The following SNX29 variants were observed in gnomAD, a reference collection of about 807,000 sequenced individuals.
SNX29 encodes the protein sorting nexin-29.
In SNX29, 78 loss-of-function variants were observed where a neutral mutation model predicts 102.1. That is an observed-to-expected ratio of 0.76 (90% confidence interval 0.64 to 0.92). The LOEUF (loss-of-function observed/expected upper bound fraction) is 0.92. Among genes scored for constraint, SNX29 ranks in the 40% least tolerant of loss-of-function variants. The probability of loss-of-function intolerance (pLI) is 0.00; values close to 1 mark genes in which losing one functional copy is unlikely to be tolerated. For synonymous variants in SNX29, 580 were observed against 414.5 expected, an observed-to-expected ratio of 1.40 and a Z score of -4.85; for missense variants, 1,280 against 1,061.7, an observed-to-expected ratio of 1.21 and a Z score of -2.86.
At chr16:12,380,761 C>T (rs1209677006) in intron 16 of SNX29, among the ~76,000 whole-genome samples, 115 of 72,322 alleles carry the variant, frequency 1.6e-3, no homozygotes, top group Middle Eastern at 0.011. Flanking sequence ...CATCCATCCA[C>T]CCACCCACCA....
At chr16:12,359,027 G>C (rs1341583793) in intron 16 of SNX29, among the ~76,000 whole-genome samples, 1 of 152,356 alleles carries the variant, frequency 6.6e-6, no homozygotes, top group African/African-American at 2.4e-5. Context: ...AACCCAAGAA[G>C]GGGGTTGTGA....
chr16:12,108,297 C>T (rs1422630580), intron 11 of SNX29, among the ~76,000 whole-genome samples: 1 of 152,168 alleles, frequency 6.6e-6, no homozygotes, highest in Non-Finnish European at 1.5e-5. Context: ...AGGCTGGGAC[C>T]CCAGGCCTGA....
intron 15 of SNX29, among the ~76,000 whole-genome samples, chr16:12,287,578 A>C (rs2079640176): frequency 6.6e-6 from 1 of 152,224 alleles, no homozygotes; most frequent in African/African-American, 2.4e-5. Context: ...GTAGTTAGGA[A>C]TATATTGGTA....
intron 15 of SNX29, among the ~76,000 whole-genome samples, chr16:12,279,598 C>A (rs2079367392): frequency 6.6e-6 from 1 of 152,170 alleles, no homozygotes; most frequent in South Asian, 2.1e-4. Context: ...TGAGTCTGTG[C>A]CCGGAAGTCC....
intron 20 of SNX29, among the ~76,000 whole-genome samples, chr16:12,562,110 C>A (rs1370801307): frequency 2.0e-5 from 3 of 152,020 alleles, no homozygotes; most frequent in Admixed American, 1.3e-4. Flanking sequence ...TAAGGCCGTT[C>A]ACTCTCCTGT....
At chr16:12,426,599 T>A (rs1009392091) in intron 18 of SNX29, among the ~76,000 whole-genome samples, 2 of 152,250 alleles carry the variant, frequency 1.3e-5, no homozygotes, top group Non-Finnish European at 2.9e-5. Context: ...AATGGTGATG[T>A]AGATCTAATT....
rs541551549 is a variant in SNX29 at position 12,153,467 on chromosome 16, AAAAAAC to A, written c.1595+23715_1595+23720del. On this transcript the variant is annotated intron_variant, in intron 13 of 20. Transcript: ENST00000566228. ...TCCCTCTGAATCTTTGTCTCAAAAA[AAAAAAC>A]AAAAAACAAAAAACAAAAAACCAAA... 1.1e-3 allele frequency among the ~76,000 whole-genome samples: 166 copies of A among 148,662 alleles called. 3 individuals are homozygous for A. The South Asian group carries it at 0.034, about 30-fold the overall frequency.
At chr16:12,383,695 C>T (rs983128771) in intron 16 of SNX29, among the ~76,000 whole-genome samples, 5 of 149,200 alleles carry the variant, frequency 3.4e-5, no homozygotes, top group Admixed American at 2.0e-4. Context: ...CTCAGCCTCT[C>T]AAAGTGCTAG....
rs567723009 is a variant in SNX29 at position 12,345,482 on chromosome 16, C to G, written c.1783-10681C>G. ...CTCTATCTAGCCGTGCTCCACTCAC[C>G]GAACTCAGATATCATGGGTCTGTGG... On this transcript the variant is annotated intron_variant, in intron 15 of 20. Transcript: ENST00000566228. 2.6e-5 allele frequency among the ~76,000 whole-genome samples: 4 copies of G among 152,328 alleles called. No homozygotes were observed. In the South Asian group the frequency reaches 6.2e-4, roughly 24 times the overall value.
chr16:12,218,762 G>T (rs988556308), intron 14 of SNX29, among the ~76,000 whole-genome samples: 3 of 151,964 alleles, frequency 2.0e-5, no homozygotes, highest in African/African-American at 7.2e-5. Context: ...TTGTTTCCAG[G>T]TTTTTATTTA....
chr16:12,474,040 C>T (rs556307627), intron 18 of SNX29, among the ~76,000 whole-genome samples: 6 of 152,160 alleles, frequency 3.9e-5, no homozygotes, highest in South Asian at 2.1e-4. Flanking sequence ...GCTTGAGATC[C>T]GAGAACCTTC....
intron 18 of SNX29, among the ~76,000 whole-genome samples, chr16:12,457,857 T>G (rs1301641412): frequency 6.6e-6 from 1 of 152,256 alleles, no homozygotes; most frequent in Non-Finnish European, 1.5e-5. Flanking sequence ...GTTTGTGGTC[T>G]GCATACGGGT....
At chr16:12,208,173 A>G (rs1405574495) in intron 14 of SNX29, among the ~76,000 whole-genome samples, 5 of 152,134 alleles carry the variant, frequency 3.3e-5, no homozygotes, top group Non-Finnish European at 7.4e-5. Context: ...CTCACATTCC[A>G]TGGGTGAGGG....
chr16:12,121,256 A>C (rs910320731), intron 11 of SNX29, among the ~76,000 whole-genome samples: 3 of 152,188 alleles, frequency 2.0e-5, no homozygotes, highest in African/African-American at 7.2e-5. Flanking sequence ...TATGAAGAGC[A>C]ATGGGAATCA....
chr16:12,195,305 G>T (rs1172709798), intron 13 of SNX29, among the ~76,000 whole-genome samples: 1 of 152,166 alleles, frequency 6.6e-6, no homozygotes, highest in African/African-American at 2.4e-5. Context: ...CAATTAATTT[G>T]CAGCCAGCTT....
chr16:12,010,239 G>C (rs1405761627), intron 3 of SNX29, among the ~76,000 whole-genome samples: 1 of 152,164 alleles, frequency 6.6e-6, no homozygotes, highest in Non-Finnish European at 1.5e-5. Context: ...TTGACACTTG[G>C]TAGACATTTA....
At chr16:12,265,268 G>C (rs187858357) in intron 14 of SNX29, among the ~76,000 whole-genome samples, 8 of 152,172 alleles carry the variant, frequency 5.3e-5, no homozygotes, top group Non-Finnish European at 8.8e-5. Context: ...CTTTTCACTT[G>C]GGGGGGAGAA....
rs146826316 is a variant in SNX29, at chr16:12,141,569, G to A, written c.1595+11811G>A. 2.3e-3 allele frequency among the ~76,000 whole-genome samples: 354 copies of A among 152,346 alleles called. 1 individual carries two copies. The highest frequency in any genetic ancestry group is 7.7e-3 in the African/African-American group (320 of 41,584). On this transcript the variant is annotated intron_variant, in intron 13 of 20. Transcript: ENST00000566228. ...TTCTTGATTATATGCTAAACAAAAG[G>A]CAGATTATTCATGAGTTTTCCAGGC...
intron 20 of SNX29, among the ~76,000 whole-genome samples, chr16:12,542,868 T>C (rs1357069699): frequency 1.3e-5 from 2 of 151,882 alleles, no homozygotes; most frequent in Non-Finnish European, 2.9e-5. Flanking sequence ...GCTAAATGTC[T>C]GAGTCTCTAG....
Sources: allele counts gnomAD v4.1 joint callset (sites outside exome capture counted in the v4.1 genomes callset), GRCh38; gene constraint gnomAD v4.1.1; transcripts MANE v1.5; gene names NCBI Gene and HGNC (gene_info 2026-07-23, HGNC 2026-07-21).